The following ATP2C2 variants were observed in gnomAD, a reference collection of about 807,000 sequenced individuals.
ATP2C2 encodes ATPase secretory pathway Ca2+ transporting 2.
A neutral mutation model predicts 110.8 loss-of-function variants in ATP2C2; 171 were observed. The observed-to-expected ratio is 1.54, with a 90% CI of 1.36 to 1.75. The LOEUF (loss-of-function observed/expected upper bound fraction) is 1.75, where lower values mean the gene tolerates loss of function less well. Among genes scored for constraint, ATP2C2 ranks in the 40% most tolerant of loss-of-function variants. The pLI, the probability that ATP2C2 is intolerant of heterozygous loss-of-function variation, is 0.00. For missense variants in ATP2C2, 1,963 were observed against 1,235.0 expected, an observed-to-expected ratio of 1.59 and a Z score of -8.84; for synonymous variants, 804 against 508.4, an observed-to-expected ratio of 1.58 and a Z score of -7.82.
In ATP2C2 at chr16:84,423,232, G is replaced by A. The variant is rs748337996; in HGVS notation, c.888G>A (p.Lys296=). 4 of 1,614,142 alleles carry A rather than the reference G, an allele frequency of 2.5e-6. No individual in the cohort carries two copies. The Admixed American group carries it at 5.0e-5, about 20-fold the overall frequency. Residue 296 remains lysine, a synonymous_variant, in exon 10 of 27, where the codon AAG becomes AAA. Transcript: ENST00000262429. ...AGAAAAGCATGGACAGGCTAGGAAA[G>A]CAACTGACACTCTTCTCCTTTGGCA... is the stretch of plus-strand genomic sequence containing the variant. ...PLQKSMDRLG[K]QLTLFSFGII...
chr16:84,441,353 C>T (rs775941812), intron 14 of ATP2C2, among the ~76,000 whole-genome samples: 1 of 152,192 alleles, frequency 6.6e-6, no homozygotes, highest in Non-Finnish European at 1.5e-5. Flanking sequence ...TCTAAGGAGA[C>T]TCCTGCCCAG....
At chr16:84,432,222 G>A (rs1908342555) in intron 11 of ATP2C2, among the ~76,000 whole-genome samples, 2 of 152,116 alleles carry the variant, frequency 1.3e-5, no homozygotes, top group Admixed American at 6.5e-5. Context: ...CCTGAGCAGT[G>A]TACACTGTAC....
chr16:84,430,633 C>T lies in ATP2C2; in HGVS notation c.986+4832C>T, dbSNP rs550738316. On this transcript the variant is annotated intron_variant, in intron 11 of 26. Coordinates refer to ENST00000262429, the MANE Select transcript of ATP2C2 (RefSeq NM_014861.4). ...CCAGCCTGGGCAGCAGAGTGAGACA[C>T]CATCTCAAAAAAAAAAAAAAAAAAG... 1.4e-4 allele frequency among the ~76,000 whole-genome samples: 12 copies of T among 86,714 alleles called. No individual in the cohort carries two copies. In the East Asian group the frequency reaches 4.0e-3, roughly 29 times the overall value. 56.9% of individuals were successfully genotyped at this position (86,714 alleles called of 152,430 possible). A position where few individuals can be genotyped will look rare whatever the true frequency, so the allele number is the denominator to read the frequency against.
At chr16:84,454,689 T>C in intron 20 of ATP2C2, 129 bp from the exon 21 acceptor site, 1 of 962,926 alleles carries the variant, frequency 1.0e-6, no homozygotes, top group Non-Finnish European at 1.5e-6. Flanking sequence ...CTAATGTGGG[T>C]GAAGCTGGGA....
intron 7 of ATP2C2, among the ~76,000 whole-genome samples, chr16:84,416,533 T>G (rs1267675402): frequency 6.6e-6 from 1 of 152,156 alleles, no homozygotes; most frequent in African/African-American, 2.4e-5. Context: ...AGCTACCCCC[T>G]GGGACCTGGG....
intron 1 of ATP2C2, among the ~76,000 whole-genome samples, chr16:84,370,485 G>C (rs12445532): frequency 6.6e-6 from 1 of 151,912 alleles, no homozygotes; most frequent in Non-Finnish European, 1.5e-5. Flanking sequence ...TCGATGGGAA[G>C]TGTGAGGAGG....
At chr16:84,444,721 G>A (rs1377267727) in intron 15 of ATP2C2, among the ~76,000 whole-genome samples, 4 of 151,982 alleles carry the variant, frequency 2.6e-5, no homozygotes. Context: ...GAGGAGAGAG[G>A]TTCCAGCACC....
At chr16:84,434,162 A>T (rs554685473) in intron 11 of ATP2C2, among the ~76,000 whole-genome samples, 3 of 152,258 alleles carry the variant, frequency 2.0e-5, no homozygotes, top group Admixed American at 2.0e-4. Context: ...TCATGCCTGT[A>T]ACCCCAGCAC....
At chr16:84,448,983 G>A (rs750683862) in intron 17 of ATP2C2, among the ~76,000 whole-genome samples, 2 of 152,184 alleles carry the variant, frequency 1.3e-5, no homozygotes, top group African/African-American at 2.4e-5. Flanking sequence ...TTTCCCAATA[G>A]GTCTTTTTGC....
chr16:84,451,453 C>T (rs140227616), intron 17 of ATP2C2, among the ~76,000 whole-genome samples: 6,745 of 152,318 alleles, frequency 0.044, 183 homozygotes, highest in Middle Eastern at 0.092. Context: ...GCCTGAGAGC[C>T]GCTGGAGGCA....
At chr16:84,438,105 A>G (rs933512765) in intron 11 of ATP2C2, among the ~76,000 whole-genome samples, 2 of 151,930 alleles carry the variant, frequency 1.3e-5, no homozygotes, top group Admixed American at 6.5e-5. Context: ...GATAGACCAC[A>G]TTTGGCTCAT....
rs1567725195 is a variant in ATP2C2, at chr16:84,439,468, A to G, written c.1153A>G (p.Thr385Ala). ...CTGTTCTGACAAGACGGGGACTCTG[A>G]CTGCCAATGAAATGACAGTGACCCA... ...VLCSDKTGTL[T>A]ANEMTVTQLV... Residue 385 changes from threonine to alanine, a missense_variant, in exon 13 of 27, where the codon ACT becomes GCT. Thr to Ala is a moderately conservative substitution (Grantham distance 58, BLOSUM62 0). Coordinates refer to ENST00000262429, the MANE Select transcript of ATP2C2 (RefSeq NM_014861.4). The G allele has an allele frequency of 6.2e-7, 1 of 1,614,130 alleles. No homozygotes were observed. Among genetic ancestry groups the G allele is most frequent in the Non-Finnish European group, 8.5e-7 (1 of 1,180,038 alleles).
chr16:84,448,262 G>C (rs1909940442), intron 16 of ATP2C2, among the ~76,000 whole-genome samples: 2 of 147,624 alleles, frequency 1.4e-5, no homozygotes. Context: ...GACGCTCTGA[G>C]TGACCATAAC....
intron 1 of ATP2C2, among the ~76,000 whole-genome samples, chr16:84,378,715 C>T (rs114779083): frequency 0.012 from 1,768 of 152,296 alleles, 29 homozygotes; most frequent in African/African-American, 0.04. Context: ...GGGCCGACTA[C>T]GTGATTGTCA....
intron 3 of ATP2C2, chr16:84,406,708 G>A (rs1905801255): frequency 1.1e-6 from 1 of 930,952 alleles, no homozygotes; most frequent in African/African-American, 1.8e-5. Context: ...CTGAGAAGAG[G>A]CAGTGGAGGC....
At chr16:84,448,733 A>C (rs1443765052) in intron 17 of ATP2C2, 44 bp downstream of exon 17, 1 of 1,574,642 alleles carries the variant, frequency 6.4e-7, no homozygotes, top group East Asian at 2.3e-5. Context: ...GCTTGCATGT[A>C]ACATTGACTT....
rs1265223047 is a variant in ATP2C2, at chr16:84,463,876, G to A, written c.*144G>A. The A allele has an allele frequency of 4.1e-6, 3 of 729,038 alleles. No individual in the cohort carries two copies. The highest frequency in any genetic ancestry group is 6.9e-6 in the Non-Finnish European group (3 of 436,026). 45.2% of individuals were successfully genotyped at this position (729,038 alleles called of 1,614,324 possible). A position where few individuals can be genotyped will look rare whatever the true frequency, so the allele number is the denominator to read the frequency against. ...AGTTTTTCCTCTTAGGAAAGCTGCA[G>A]GAACCTCGTGGGCTCCAGGGACCCA... On this transcript the variant is annotated 3_prime_UTR_variant, in exon 27 of 27. Transcript: ENST00000262429.
chr16:84,422,263 C>T (rs1364663992), intron 7 of ATP2C2, 127 bp from the exon 8 acceptor site: 2 of 1,151,604 alleles, frequency 1.7e-6, no homozygotes, highest in Non-Finnish European at 2.4e-6. Flanking sequence ...CGTTGTGACA[C>T]TCATTCTGTA....
At chr16:84,383,956 A>G (rs971586541) in intron 1 of ATP2C2, among the ~76,000 whole-genome samples, 3 of 151,968 alleles carry the variant, frequency 2.0e-5, no homozygotes, top group African/African-American at 7.3e-5. Context: ...CGCCCAGCTA[A>G]TTTTTGTATT....
Sources: gnomAD v4.1 joint callset for allele counts (sites outside exome capture counted in the v4.1 genomes callset) on GRCh38, gnomAD v4.1.1 for gene constraint, MANE v1.5 for transcripts, NCBI Gene and HGNC (gene_info 2026-07-23, HGNC 2026-07-21) for gene names.